BCO2: variants seen among roughly 807,000 people sequenced by gnomAD.
BCO2 encodes the protein beta-carotene oxygenase 2.
A neutral mutation model predicts 65.8 loss-of-function variants in BCO2; 56 were observed. The ratio of observed to expected loss-of-function variants is 0.85; its 90% CI spans 0.69 to 1.06. The LOEUF (loss-of-function observed/expected upper bound fraction) is 1.06, where lower values mean the gene tolerates loss of function less well. BCO2 is among the 50% of genes least tolerant of loss of function. BCO2 has a pLI of 0.00. For missense variants in BCO2, 675 were observed against 698.5 expected (o/e 0.97, Z 0.38); for synonymous variants, 233 against 242.3 (o/e 0.96, Z 0.36).
At chr11:112,213,479 A>G (rs1212411261) in intron 8 of BCO2, among the ~76,000 whole-genome samples, 5 of 152,110 alleles carry the variant, frequency 3.3e-5, no homozygotes, top group African/African-American at 7.2e-5. Context: ...CTTTATTATC[A>G]TTCCTCCACT....
intron 2 of BCO2, among the ~76,000 whole-genome samples, chr11:112,190,758 A>G (rs1398159175): frequency 1.3e-5 from 2 of 148,994 alleles, no homozygotes; most frequent in African/African-American, 4.9e-5. Context: ...CAGGAGGCTG[A>G]GGCAGGAGAA....
chr11:112,207,187 A>G (rs1331172208), intron 8 of BCO2, among the ~76,000 whole-genome samples: 4 of 152,208 alleles, frequency 2.6e-5, no homozygotes, highest in African/African-American at 9.7e-5. Flanking sequence ...TGTACCAGCT[A>G]GGACTTCGAG....
chr11:112,194,711 T>C lies in BCO2; in HGVS notation c.692T>C (p.Leu231Pro), dbSNP rs10891338. The change falls in exon 5 of 12, where the codon CTG (leucine) becomes CCG (proline). Residue 231 changes from leucine to proline, a missense_variant. Coordinates refer to ENST00000357685, the MANE Select transcript of BCO2 (RefSeq NM_031938.7). ...NGATAHPHYD[L>P]DGTAYNMGNS... is the part of the protein sequence containing the mutation. ...GCAACTGCACATCCTCATTATGACC[T>C]GGATGGAACAGCATACAATATGGGG... is the stretch of plus-strand genomic sequence containing the variant. 1,584,191 of 1,613,154 alleles carry C rather than the reference T, an allele frequency of 0.98. 778,102 individuals carry two copies. Among genetic ancestry groups the C allele is most frequent in the East Asian group, 1 (44,851 of 44,860 alleles).
rs1867136097 is a variant in BCO2 at position 112,184,207 on chromosome 11, C to A, written c.293+4725C>A. The stretch of plus-strand genomic sequence containing the variant: ...TATGGTTGAGTTGTCTGCTAAAGGC[C>A]AATGTAATATAATTGCAGCTAGAAC... On this transcript the variant is annotated intron_variant, in intron 2 of 11. Coordinates refer to ENST00000357685, the MANE Select transcript of BCO2 (RefSeq NM_031938.7). Among the ~76,000 whole-genome samples, 3 of 145,556 alleles carry A rather than the reference C, an allele frequency of 2.1e-5. No homozygotes were observed. The South Asian group carries it at 6.6e-4, about 32-fold the overall frequency.
chr11:112,196,784 C>T (rs1325665962), intron 5 of BCO2, among the ~76,000 whole-genome samples: 1 of 152,012 alleles, frequency 6.6e-6, no homozygotes, highest in Non-Finnish European at 1.5e-5. Context: ...TGATATTTTC[C>T]TCTAAACTAC....
intron 7 of BCO2, among the ~76,000 whole-genome samples, chr11:112,201,773 T>G (rs1184708915): frequency 6.6e-6 from 1 of 152,194 alleles, no homozygotes; most frequent in African/African-American, 2.4e-5. Flanking sequence ...GGATTTTAAG[T>G]TCGTTATAAC....
chr11:112,207,148 T>C lies in BCO2; in HGVS notation c.1194+4958T>C, dbSNP rs558714696. On this transcript the variant is annotated intron_variant, in intron 8 of 11. Coordinates refer to ENST00000357685, the MANE Select transcript of BCO2 (RefSeq NM_031938.7). ...TAATGACAGCTTTCTTTCTAATACT[T>C]AGGGCTTTATTTCTTTTTCTCGCCT... Among the ~76,000 whole-genome samples, 15 of 152,328 alleles carry C rather than the reference T, an allele frequency of 9.8e-5. No homozygotes were observed. In the South Asian group the frequency reaches 3.1e-3, roughly 32 times the overall value.
rs116056412 is a variant in BCO2 at position 112,179,302 on chromosome 11, C to G, written c.113C>G (p.Thr38Ser). 105 of 1,614,136 alleles carry G rather than the reference C, an allele frequency of 6.5e-5. No individual in the cohort carries two copies. The African/African-American group carries it at 1.3e-3, about 20-fold the overall frequency. Residue 38 changes from threonine (T) to serine (S), a missense_variant, in exon 2 of 12, where the codon ACT becomes AGT. Transcript: ENST00000357685. The part of the protein sequence containing the change: ...LPVFKRYMGN[T>S]PQKKAVFGQC... The stretch of plus-strand genomic sequence containing the variant: ...GTTTTCAAAAGGTACATGGGAAATA[C>G]TCCTCAGAAAAAAGCCGTCTTTGGG...
intron 2 of BCO2, among the ~76,000 whole-genome samples, chr11:112,185,419 G>A (rs1383098799): frequency 6.6e-6 from 1 of 152,100 alleles, no homozygotes; most frequent in East Asian, 1.9e-4. Context: ...TGGCCAGGAA[G>A]GAATCTGCTT....
At chr11:112,203,791 T>C (rs745424450) in intron 8 of BCO2, among the ~76,000 whole-genome samples, 25 of 152,210 alleles carry the variant, frequency 1.6e-4, no homozygotes, top group Non-Finnish European at 2.6e-4. Flanking sequence ...TCATTGTCTT[T>C]CTCTGTGTAT....
At chr11:112,201,956 C>G in intron 7 of BCO2, 67 bp from the exon 8 acceptor site, 1 of 1,409,792 alleles carries the variant, frequency 7.1e-7, no homozygotes, top group Non-Finnish European at 9.4e-7. Context: ...GACCTGTTTC[C>G]TAAAGGAAAG....
At chr11:112,203,872 T>G (rs1394836080) in intron 8 of BCO2, among the ~76,000 whole-genome samples, 3 of 152,176 alleles carry the variant, frequency 2.0e-5, no homozygotes, top group Non-Finnish European at 4.4e-5. Context: ...CTTTTTTTTT[T>G]GAGACGGAGT....
In BCO2 at chr11:112,217,844, T is replaced by G; in HGVS notation, c.1710T>G (p.Tyr570Ter). The G allele has an allele frequency of 6.2e-7, 1 of 1,613,984 alleles. No homozygotes were observed. The highest frequency in any genetic ancestry group is 8.5e-7 in the Non-Finnish European group (1 of 1,179,836). Residue 570 changes from tyrosine to a stop codon, truncating the protein, a stop_gained, in exon 12 of 12, where the codon TAT (tyrosine) becomes TAG (stop). Coordinates refer to ENST00000357685, the MANE Select transcript of BCO2 (RefSeq NM_031938.7). LOFTEE classifies it high-confidence loss of function. ...CAGAGGTACCTGTGCAGATGCCTTA[T>G]GGGTTCCATGGTACCTTCATACCCA... ...GRAEVPVQMP[Y>*]GFHGTFIPI is the part of the protein sequence containing the mutation.
intron 5 of BCO2, among the ~76,000 whole-genome samples, chr11:112,195,488 G>C (rs1018465942): frequency 2.0e-5 from 3 of 151,214 alleles, no homozygotes; most frequent in African/African-American, 7.3e-5. Context: ...TCTTGCCCAG[G>C]CTGGAATGCC....
In BCO2 at chr11:112,199,990, T is replaced by A. The variant is rs2359568; in HGVS notation, c.865+163T>A. 6.8e-3 allele frequency among the ~76,000 whole-genome samples: 1,039 copies of A among 152,298 alleles called. 7 individuals are homozygous for A. Among genetic ancestry groups the A allele is most frequent in the Middle Eastern group, 0.027 (8 of 294 alleles). On this transcript the variant is annotated intron_variant, in intron 6 of 11. Transcript: ENST00000357685. ...GGTAAGGTTATTCTGTTTAGTCACA[T>A]ACTCCTGACCCTAGCCAGCTGACTG...
chr11:112,202,342 G>A (rs1867759022), intron 8 of BCO2, 152 bp downstream of exon 8: 3 of 699,596 alleles, frequency 4.3e-6, no homozygotes, highest in African/African-American at 1.9e-5. Context: ...GAGTGCAATG[G>A]TGCGATCTCG....
In BCO2 at chr11:112,213,770, C is replaced by T; in HGVS notation, c.1241C>T (p.Pro414Leu). The T allele has an allele frequency of 6.2e-7, 1 of 1,613,518 alleles. No individual in the cohort carries two copies. The highest frequency in any genetic ancestry group is 1.1e-5 in the South Asian group (1 of 91,058). ...AKSFPRRFVLPLNVSLNAPEG... is the reference protein window; with the variant it reads ...AKSFPRRFVLLLNVSLNAPEG... ...TCTTTCCCTCGAAGGTTTGTTTTGC[C>T]TTTAAATGTCAGTTTGAATGCCCCT... The change falls in exon 9 of 12, where the codon CCT (proline) becomes CTT (leucine). Residue 414 changes from proline (P) to leucine (L), a missense_variant. Pro to Leu is a moderately conservative substitution (Grantham distance 98). Coordinates refer to ENST00000357685, the MANE Select transcript of BCO2 (RefSeq NM_031938.7).
intron 8 of BCO2, among the ~76,000 whole-genome samples, chr11:112,202,515 C>T (rs1024615944): frequency 7.9e-5 from 12 of 152,006 alleles, no homozygotes; most frequent in Non-Finnish European, 1.0e-4. Flanking sequence ...CTCCTGACCT[C>T]GAGTAATCTG....
chr11:112,204,862 G>C (rs931331826), intron 8 of BCO2, among the ~76,000 whole-genome samples: 11 of 151,972 alleles, frequency 7.2e-5, no homozygotes, highest in Non-Finnish European at 1.3e-4. Context: ...ATGGGGTTTT[G>C]TCATATTGGC....
Sources: allele counts gnomAD v4.1 joint callset (sites outside exome capture counted in the v4.1 genomes callset), GRCh38; gene constraint gnomAD v4.1.1; transcripts MANE v1.5; gene names NCBI Gene and HGNC (gene_info 2026-07-23, HGNC 2026-07-21).